The following AGAP1 variants were observed in gnomAD, a reference collection of about 807,000 sequenced individuals.
The protein encoded by AGAP1 is ArfGAP with GTPase domain, ankyrin repeat and PH domain 1, also known as arf-GAP with GTPase, ANK repeat and PH domain-containing protein 1.
In AGAP1, 29 loss-of-function variants were observed where a neutral mutation model predicts 105.3. That is an observed-to-expected ratio of 0.28 (90% CI 0.21 to 0.38). The LOEUF is 0.38. Among genes scored for constraint, AGAP1 ranks in the 10% least tolerant of loss-of-function variants. AGAP1 has a pLI of 1.00. For synonymous variants in AGAP1, 509 were observed against 485.9 expected (o/e 1.05, Z -0.63); for missense variants, 998 against 1,165.1 (o/e 0.86, Z 2.09).
At chr2:235,869,074 T>G (rs1323853365) in intron 9 of AGAP1, among the ~76,000 whole-genome samples, 1 of 152,146 alleles carries the variant, frequency 6.6e-6, no homozygotes, top group African/African-American at 2.4e-5. Flanking sequence ...ATAAGAAGAA[T>G]AATTTGAGGT....
intron 1 of AGAP1, among the ~76,000 whole-genome samples, chr2:235,593,563 A>T (rs1253436280): frequency 6.6e-6 from 1 of 152,154 alleles, no homozygotes; most frequent in East Asian, 1.9e-4. Flanking sequence ...TCTACAACTT[A>T]AATATGTTTT....
intron 6 of AGAP1, among the ~76,000 whole-genome samples, chr2:235,780,549 C>T (rs190968480): frequency 1.7e-4 from 26 of 152,102 alleles, no homozygotes; most frequent in Non-Finnish European, 2.2e-4. Flanking sequence ...TAGAGTTGCT[C>T]GGCCAAGTAA....
chr2:236,007,279 A>G (rs549871104), intron 13 of AGAP1, among the ~76,000 whole-genome samples: 1 of 152,346 alleles, frequency 6.6e-6, no homozygotes, highest in Non-Finnish European at 1.5e-5. Flanking sequence ...AAAAGCTAAA[A>G]TTATCTCTAG....
intron 3 of AGAP1, among the ~76,000 whole-genome samples, chr2:235,735,159 G>A (rs1479555619): frequency 1.1e-4 from 16 of 152,200 alleles, no homozygotes; most frequent in Admixed American, 3.9e-4. Flanking sequence ...CTTTGTAGAC[G>A]ATGGCGTTGG....
In AGAP1 at chr2:236,045,496, G is replaced by A. The variant is rs904166658; in HGVS notation, c.1892-3563G>A. ...AGCCTCATTTCTCTGGAGGGGAGCT[G>A]AGGCCCGGAGAGCAAGAGGCTTGCA... is the stretch of plus-strand genomic sequence containing the variant. On this transcript the variant is annotated intron_variant, in intron 15 of 17. Transcript: ENST00000304032. The surrounding 1 kb of genome is among the most constrained non-coding windows in gnomAD (Gnocchi z 6.9). 1.3e-5 allele frequency among the ~76,000 whole-genome samples: 2 copies of A among 152,218 alleles called. No individual in the cohort carries two copies. Among genetic ancestry groups the A allele is most frequent in the African/African-American group, 2.4e-5 (1 of 41,450 alleles).
Position 236,015,077 on chromosome 2 carries a change from C to T in AGAP1, c.1646-21484C>T, listed in dbSNP as rs552315537. 3.8e-4 allele frequency among the ~76,000 whole-genome samples: 58 copies of T among 152,250 alleles called. No individual in the cohort carries two copies. In the South Asian group the frequency reaches 5.4e-3, roughly 14 times the overall value. ...TGTGTTTTATTTTACCATTCGTGTT[C>T]CTTTCAGCTTACTTAAATTTTGACC... On this transcript the variant is annotated intron_variant, in intron 13 of 17. Coordinates refer to ENST00000304032, the MANE Select transcript of AGAP1 (RefSeq NM_001037131.3).
chr2:235,770,978 T>G (rs1955398093), intron 6 of AGAP1, among the ~76,000 whole-genome samples: 1 of 152,158 alleles, frequency 6.6e-6, no homozygotes, highest in African/African-American at 2.4e-5. Flanking sequence ...GCATGTATCC[T>G]TATAATAGGG....
At chr2:236,007,004 A>G (rs959154443) in intron 13 of AGAP1, among the ~76,000 whole-genome samples, 1 of 152,224 alleles carries the variant, frequency 6.6e-6, no homozygotes, top group Non-Finnish European at 1.5e-5. Context: ...ACTCATTGAC[A>G]GTAACCAAAG....
Position 235,750,514 on chromosome 2 carries a change from A to G in AGAP1, c.673+26A>G. ...GTAAATGCGCGTGGCTGGGAGTTTA[A>G]TTTCAGTTCATGATAGACGGGAGGC... On this transcript the variant is annotated intron_variant, in intron 6 of 17. Coordinates refer to ENST00000304032, the MANE Select transcript of AGAP1 (RefSeq NM_001037131.3). This position sits in a 1 kb window ranked among gnomAD's most constrained non-coding sequence, Gnocchi z 5.3. The G allele has an allele frequency of 6.2e-7, 1 of 1,613,806 alleles. No individual in the cohort carries two copies. The highest frequency in any genetic ancestry group is 8.5e-7 in the Non-Finnish European group (1 of 1,179,774).
intron 16 of AGAP1, among the ~76,000 whole-genome samples, chr2:236,077,202 A>G (rs1209067086): frequency 1.3e-5 from 2 of 150,430 alleles, no homozygotes; most frequent in Admixed American, 1.3e-4. Context: ...AATGTTTGAC[A>G]TATTACATGT....
chr2:235,551,069 C>T lies in AGAP1; in HGVS notation c.163+56220C>T, dbSNP rs760921735. 4.6e-5 allele frequency among the ~76,000 whole-genome samples: 7 copies of T among 152,136 alleles called. No homozygotes were observed. The highest frequency in any genetic ancestry group is 7.4e-5 in the Non-Finnish European group (5 of 68,020). Reference sequence around the variant, plus strand: ...GATTACAGGCGTGAGCCACCGCGCTCGGCCATAGATAGTGTTTCTTAAGAG... The same window carrying T: ...GATTACAGGCGTGAGCCACCGCGCTTGGCCATAGATAGTGTTTCTTAAGAG... On this transcript the variant is annotated intron_variant, in intron 1 of 17. Transcript: ENST00000304032. This position sits in a 1 kb window ranked among gnomAD's most constrained non-coding sequence, Gnocchi z 4.8.
intron 9 of AGAP1, among the ~76,000 whole-genome samples, chr2:235,813,192 G>A (rs1250638198): frequency 6.6e-6 from 1 of 152,194 alleles, no homozygotes; most frequent in Non-Finnish European, 1.5e-5. Context: ...CGCCCTTTTG[G>A]CAATGTTGGT....
chr2:235,949,673 A>G (rs775975779), intron 12 of AGAP1, among the ~76,000 whole-genome samples: 17 of 152,262 alleles, frequency 1.1e-4, no homozygotes, highest in South Asian at 2.1e-4. Flanking sequence ...TTTTGCTAAT[A>G]TCAGTTAAAA....
At chr2:235,707,662 C>T (rs1417509548) in intron 1 of AGAP1, among the ~76,000 whole-genome samples, 1 of 73,852 alleles carries the variant, frequency 1.4e-5, no homozygotes, top group South Asian at 5.6e-4. Flanking sequence ...GGTTGTGCTC[C>T]CCCGGCGTGT....
chr2:235,902,567 G>A (rs977711088), intron 10 of AGAP1, among the ~76,000 whole-genome samples: 5 of 152,082 alleles, frequency 3.3e-5, no homozygotes, highest in African/African-American at 4.8e-5. Flanking sequence ...TTGTATCACC[G>A]CCAATCTTGT....
At chr2:235,585,287 C>T (rs1945070851) in intron 1 of AGAP1, among the ~76,000 whole-genome samples, 1 of 152,116 alleles carries the variant, frequency 6.6e-6, no homozygotes, top group South Asian at 2.1e-4. Flanking sequence ...CTTTTTCCAG[C>T]CTCAATGGCT....
In AGAP1 at chr2:236,062,652, T is replaced by G. The variant is rs186401645; in HGVS notation, c.2114+13371T>G. On this transcript the variant is annotated intron_variant, in intron 16 of 17. Transcript: ENST00000304032. The surrounding 1 kb of genome is among the most constrained non-coding windows in gnomAD (Gnocchi z 4.2). ...CTCCACACTCAGCTATTTTGTTTGT[T>G]TGTTTGTTTGTTTTTGTTTGTTTGT... 0.011 allele frequency among the ~76,000 whole-genome samples: 1,594 copies of G among 151,348 alleles called. 11 individuals are homozygous for G. The highest frequency in any genetic ancestry group is 0.015 in the Non-Finnish European group (999 of 67,912).
At chr2:235,812,041 A>T (rs897919936) in intron 9 of AGAP1, among the ~76,000 whole-genome samples, 30 of 152,092 alleles carry the variant, frequency 2.0e-4, no homozygotes, top group Non-Finnish European at 3.7e-4. Flanking sequence ...GTCCTCTGCG[A>T]TGCCCGCCAA....
At chr2:235,933,337 A>T (rs1256349290) in intron 12 of AGAP1, among the ~76,000 whole-genome samples, 1 of 152,130 alleles carries the variant, frequency 6.6e-6, no homozygotes, top group Non-Finnish European at 1.5e-5. Flanking sequence ...GAAAGGTGAT[A>T]GTTGGGGTGC....
Sources: allele counts gnomAD v4.1 joint callset (sites outside exome capture counted in the v4.1 genomes callset), GRCh38; gene constraint gnomAD v4.1.1; non-coding constraint Gnocchi (gnomAD v3.1); transcripts MANE v1.5; gene names NCBI Gene and HGNC (gene_info 2026-07-23, HGNC 2026-07-21).